MBTD1: variants seen among roughly 807,000 people sequenced by gnomAD.
MBTD1 encodes the protein MBT domain-containing protein 1.
Under a neutral mutation model 87.8 loss-of-function variants are expected in MBTD1, and 24 were observed. The ratio of observed to expected loss-of-function variants is 0.27; its 90% CI spans 0.20 to 0.38. The LOEUF (loss-of-function observed/expected upper bound fraction) is 0.38. Ranked by LOEUF, MBTD1 falls within the 10% of genes least tolerant of loss-of-function variation. The pLI is 1.00. For synonymous variants in MBTD1, 237 were observed against 248.6 expected (o/e 0.95, Z 0.44); for missense variants, 436 against 760.2 (o/e 0.57, Z 5.02).
chr17:51,249,168 G>A (rs578159089), intron 2 of MBTD1, among the ~76,000 whole-genome samples: 1 of 152,278 alleles, frequency 6.6e-6, no homozygotes, highest in East Asian at 1.9e-4. Context: ...GCTGAGGTGG[G>A]AGGATCACCT....
intron 4 of MBTD1, 149 bp downstream of exon 4, chr17:51,220,181 T>C: frequency 1.5e-6 from 1 of 654,126 alleles, no homozygotes. Context: ...CTGAACAAAC[T>C]TTGGGGCTCA....
rs17574235 is a variant in MBTD1, at chr17:51,203,772, G to A, written c.739+19C>T. 756,520 of 1,594,928 alleles carry A rather than the reference G, an allele frequency of 0.47. 186,613 individuals are homozygous for A. Among genetic ancestry groups the A allele is most frequent in the East Asian group, 0.6 (26,894 of 44,758 alleles). ...TACACATATAAAAAAATTACGGTAAGGGTAAATAAACTACTTACTTCTAGG... is the reference window on the plus strand; with the variant it reads ...TACACATATAAAAAAATTACGGTAAAGGTAAATAAACTACTTACTTCTAGG... On this transcript the variant is annotated intron_variant, in intron 8 of 16. Coordinates refer to ENST00000586178, the MANE Select transcript of MBTD1 (RefSeq NM_017643.3).
intron 6 of MBTD1, among the ~76,000 whole-genome samples, chr17:51,208,015 G>A (rs2051949617): frequency 6.6e-6 from 1 of 152,164 alleles, no homozygotes; most frequent in Non-Finnish European, 1.5e-5. Flanking sequence ...TAGCCTCAAA[G>A]CTCAAAGATG....
chr17:51,213,313 T>C (rs1309335405), intron 6 of MBTD1, among the ~76,000 whole-genome samples: 1 of 152,250 alleles, frequency 6.6e-6, no homozygotes, highest in East Asian at 1.9e-4. Context: ...ATTACAGGCA[T>C]GAGCCACTGC....
chr17:51,212,653 G>A (rs1280586503), intron 6 of MBTD1, among the ~76,000 whole-genome samples: 4 of 151,084 alleles, frequency 2.6e-5, no homozygotes, highest in Admixed American at 1.3e-4. Flanking sequence ...CAATACCCAG[G>A]AAAAAAAAAG....
chr17:51,211,504 T>TG (rs1555684659), intron 6 of MBTD1, among the ~76,000 whole-genome samples: 1 of 135,230 alleles, frequency 7.4e-6, no homozygotes, highest in Admixed American at 7.5e-5. Flanking sequence ...TGAGACTGTT[T>TG]AAAAAAAAAA....
At chr17:51,257,138 A>G (rs1421709016) in intron 2 of MBTD1, among the ~76,000 whole-genome samples, 1 of 152,236 alleles carries the variant, frequency 6.6e-6, no homozygotes. Context: ...CACAGTTAAG[A>G]ATACTGTGGT....
At chr17:51,196,610 G>T (rs929849639) in intron 12 of MBTD1, among the ~76,000 whole-genome samples, 7 of 151,758 alleles carry the variant, frequency 4.6e-5, no homozygotes, top group African/African-American at 1.7e-4. Context: ...AAAATATTTT[G>T]GCTGGGCGTG....
rs1201412937 is a variant in MBTD1 at position 51,195,330 on chromosome 17, A to T, written c.1256T>A (p.Ile419Asn). 6.2e-7 allele frequency: 1 copy of T among 1,610,654 alleles called. No homozygotes were observed. Among genetic ancestry groups the T allele is most frequent in the Non-Finnish European group, 8.5e-7 (1 of 1,178,316 alleles). ...TCCGTCTGCTGCTTCTGAGCCATCG[A>T]TCCCAATCATCAGGAATCCGTCAGC... ...VLADGFLMIG[I>N]DGSEAADGSD... Residue 419 changes from isoleucine to asparagine, a missense_variant, in exon 13 of 17, where the codon ATC becomes AAC. Coordinates refer to ENST00000586178, the MANE Select transcript of MBTD1 (RefSeq NM_017643.3).
At chr17:51,259,323 C>A (rs2055301851) in intron 1 of MBTD1, 117 bp from the exon 2 acceptor site, 1 of 1,158,552 alleles carries the variant, frequency 8.6e-7, no homozygotes, top group African/African-American at 1.6e-5. Context: ...ACCACTCCCA[C>A]CTCTCCCGCA....
At chr17:51,234,880 A>T (rs2053747756) in intron 2 of MBTD1, among the ~76,000 whole-genome samples, 1 of 151,962 alleles carries the variant, frequency 6.6e-6, no homozygotes, top group Admixed American at 6.6e-5. Flanking sequence ...TATTTTCAGT[A>T]GAGATGGAGT....
At chr17:51,217,734 G>A (rs983462284) in intron 5 of MBTD1, among the ~76,000 whole-genome samples, 14 of 152,034 alleles carry the variant, frequency 9.2e-5, no homozygotes, top group African/African-American at 3.4e-4. Context: ...TCAGCCTCCC[G>A]AGCATCTGGG....
intron 6 of MBTD1, among the ~76,000 whole-genome samples, chr17:51,213,968 A>G (rs1018932308): frequency 2.6e-5 from 4 of 152,210 alleles, no homozygotes; most frequent in Non-Finnish European, 4.4e-5. Context: ...AAGGTCTGAA[A>G]AACTAACCCC....
intron 2 of MBTD1, among the ~76,000 whole-genome samples, chr17:51,248,904 A>G (rs76006635): frequency 0.018 from 2,776 of 152,152 alleles, 103 homozygotes; most frequent in African/African-American, 0.063. Context: ...GGGACCTACT[A>G]ATGTTTTTCT....
chr17:51,180,460 A>C lies in MBTD1; in HGVS notation c.*116T>G, dbSNP rs1394342217. ...CACCCACCTGAAAAATCTGGAACTG[A>C]AATCTTCTATGTTTAGCAAAATGTC... On this transcript the variant is annotated 3_prime_UTR_variant, in exon 17 of 17. Coordinates refer to ENST00000586178, the MANE Select transcript of MBTD1 (RefSeq NM_017643.3). 1 of 143,582 alleles carries C rather than the reference A, an allele frequency of 7.0e-6. No homozygotes were observed. Among genetic ancestry groups the C allele is most frequent in the African/African-American group, 3.0e-5 (1 of 33,638 alleles). The allele number at this position is 143,582 out of a possible 1,614,324, so 8.9% of individuals were successfully genotyped here. A position where few individuals can be genotyped will look rare whatever the true frequency, so the allele number is the denominator to read the frequency against.
rs1335766687 is a variant in MBTD1, at chr17:51,260,042, A to T, written c.-320T>A. On this transcript the variant is annotated 5_prime_UTR_variant, in exon 1 of 17. It adds an upstream start codon to the 5' untranslated region. Coordinates refer to ENST00000586178, the MANE Select transcript of MBTD1 (RefSeq NM_017643.3). ...TAACTCGGGTGGCCCCAGGATATCA[A>T]CAACATTAGCATAGCCCTCCCTCCC... 4.8e-6 allele frequency: 2 copies of T among 416,516 alleles called. No homozygotes were observed. The highest frequency in any genetic ancestry group is 4.1e-5 in the African/African-American group (2 of 48,800). 25.8% of individuals were successfully genotyped at this position (416,516 alleles called of 1,614,324 possible).
At chr17:51,183,823 AC>A (rs1419536879) in intron 16 of MBTD1, 1 of 152,254 alleles carries the variant, frequency 6.6e-6, no homozygotes, top group African/African-American at 2.4e-5. Flanking sequence ...GGAAAAGAAA[AC>A]AAAACCCAAG....
chr17:51,192,031 T>A, intron 16 of MBTD1, 172 bp downstream of exon 16: 2 of 609,796 alleles, frequency 3.3e-6, no homozygotes, highest in Non-Finnish European at 5.8e-6. Flanking sequence ...AAAATATCAG[T>A]GTTTCTCATT....
At chr17:51,213,232 ATG>A (rs1373632323) in intron 6 of MBTD1, among the ~76,000 whole-genome samples, 1 of 150,340 alleles carries the variant, frequency 6.7e-6, no homozygotes, top group African/African-American at 2.5e-5. Context: ...AGGTCTCACT[ATG>A]TTGCTCATGC....
Sources: gnomAD v4.1 joint callset for allele counts (sites outside exome capture counted in the v4.1 genomes callset) on GRCh38, gnomAD v4.1.1 for gene constraint, MANE v1.5 for transcripts, NCBI Gene and HGNC (gene_info 2026-07-23, HGNC 2026-07-21) for gene names.